The following SYN3 variants were observed in gnomAD, a reference collection of about 807,000 sequenced individuals.
SYN3 encodes the protein synapsin III.
SYN3 carries 35 observed loss-of-function variants against 65.8 expected under a neutral mutation model. That is an observed-to-expected ratio of 0.53 (90% confidence interval 0.41 to 0.70). The LOEUF is 0.70. Ranked by LOEUF, SYN3 falls within the 30% of genes least tolerant of loss-of-function variation. The pLI is 0.00. For missense variants in SYN3, 680 were observed against 749.0 expected (o/e 0.91, Z 1.08); for synonymous variants, 270 against 292.9 (o/e 0.92, Z 0.80).
chr22:32,683,482 C>T (rs2147122227), intron 6 of SYN3, among the ~76,000 whole-genome samples: 1 of 152,262 alleles, frequency 6.6e-6, no homozygotes, highest in Non-Finnish European at 1.5e-5. Flanking sequence ...GGTTTAAAAA[C>T]AGCAGAAATG....
At position 32,634,935 on chromosome 22, in the gene SYN3, C is replaced by CT. The variant is rs10683651; in HGVS notation, c.712-38200dup. ...AAACATTATGAGATTTTTTTTGCAA[C>CT]TTTTTTTTTTTTAGCTCATCAGCTA... is the stretch of plus-strand genomic sequence containing the variant. On this transcript the variant is annotated intron_variant, in intron 6 of 13. Transcript: ENST00000358763. Among the ~76,000 whole-genome samples the CT allele has an allele frequency of 4.7e-3, 699 of 147,500 alleles. 3 individuals are homozygous for CT. Among genetic ancestry groups the CT allele is most frequent in the African/African-American group, 0.014 (563 of 40,556 alleles).
At chr22:32,965,562 GTGTGTGTGTGTGTGCATGCT>G (rs1404226537) in intron 3 of SYN3, among the ~76,000 whole-genome samples, 1 of 151,930 alleles carries the variant, frequency 6.6e-6, no homozygotes, top group Non-Finnish European at 1.5e-5. Context: ...GTGTGTGTGT[GTGTGTGTGTGTGTGCATGCT>G]TGTGTGTGTG....
At chr22:32,590,160 C>T (rs547415000) in intron 7 of SYN3, among the ~76,000 whole-genome samples, 23 of 152,262 alleles carry the variant, frequency 1.5e-4, no homozygotes, top group South Asian at 4.2e-4. Context: ...CCGTCCTCTC[C>T]GAAGATAACT....
chr22:32,629,040 C>CAGGT (rs2059710111), intron 6 of SYN3, among the ~76,000 whole-genome samples: 1 of 152,118 alleles, frequency 6.6e-6, no homozygotes, highest in Admixed American at 6.5e-5. Flanking sequence ...GCAAGCTGGG[C>CAGGT]AGGTTTATGA....
At chr22:32,765,047 G>A (rs1002982259) in intron 6 of SYN3, among the ~76,000 whole-genome samples, 13 of 134,534 alleles carry the variant, frequency 9.7e-5, no homozygotes, top group South Asian at 2.6e-4. Flanking sequence ...TCCAGTTTCC[G>A]GCTTCCTGAG....
At chr22:32,528,507 G>A (rs1265187186) in intron 11 of SYN3, among the ~76,000 whole-genome samples, 1 of 152,190 alleles carries the variant, frequency 6.6e-6, no homozygotes, top group East Asian at 1.9e-4. Flanking sequence ...AGCACACAGA[G>A]GGCTTGTGTG....
At chr22:32,525,773 G>T (rs1352899025) in intron 12 of SYN3, among the ~76,000 whole-genome samples, 1 of 151,936 alleles carries the variant, frequency 6.6e-6, no homozygotes. Context: ...AGAATATTAC[G>T]TAAACTTAGT....
At chr22:32,606,389 T>C (rs2059372695) in intron 6 of SYN3, among the ~76,000 whole-genome samples, 1 of 152,198 alleles carries the variant, frequency 6.6e-6, no homozygotes, top group African/African-American at 2.4e-5. Flanking sequence ...CCTTGCTGTG[T>C]AGCATCTGAC....
chr22:32,528,428 C>A (rs566181200), intron 11 of SYN3, among the ~76,000 whole-genome samples: 29 of 152,122 alleles, frequency 1.9e-4, no homozygotes, highest in African/African-American at 7.0e-4. Flanking sequence ...AGGGGAGGAG[C>A]GACGTGGGAG....
At chr22:32,571,133 A>G (rs1488735199) in intron 7 of SYN3, among the ~76,000 whole-genome samples, 1 of 152,154 alleles carries the variant, frequency 6.6e-6, no homozygotes, top group African/African-American at 2.4e-5. Context: ...TTTTGGTGCT[A>G]CAGGAGGCAG....
intron 6 of SYN3, among the ~76,000 whole-genome samples, chr22:32,739,127 A>G (rs2061369389): frequency 6.6e-6 from 1 of 150,776 alleles, no homozygotes; most frequent in Admixed American, 6.6e-5. Flanking sequence ...AGATCCCATA[A>G]TTCCCATGTG....
intron 7 of SYN3, among the ~76,000 whole-genome samples, chr22:32,578,281 C>G (rs896798158): frequency 6.6e-6 from 1 of 151,280 alleles, no homozygotes; most frequent in Non-Finnish European, 1.5e-5. Flanking sequence ...GGGTCTTACT[C>G]TGGGGCCTAG....
At chr22:32,626,182 G>A (rs116864038) in intron 6 of SYN3, among the ~76,000 whole-genome samples, 2,751 of 152,222 alleles carry the variant, frequency 0.018, 45 homozygotes, top group Non-Finnish European at 0.024. Flanking sequence ...TGCTGAGGGT[G>A]CCTCTTGTGC....
At chr22:32,908,385 CT>C (rs10719402) in intron 4 of SYN3, among the ~76,000 whole-genome samples, 42,547 of 116,340 alleles carry the variant, frequency 0.37, 8,135 homozygotes, top group East Asian at 0.74. Flanking sequence ...CACGCCTAGC[CT>C]TTTTTTTTTT....
chr22:32,809,038 C>A, intron 6 of SYN3, among the ~76,000 whole-genome samples: 1 of 152,216 alleles, frequency 6.6e-6, no homozygotes, highest in East Asian at 1.9e-4. Context: ...TAAATGCCAA[C>A]CCTGCAGGAG....
chr22:33,031,959 G>A (rs1238290248), intron 1 of SYN3, among the ~76,000 whole-genome samples: 3 of 152,070 alleles, frequency 2.0e-5, no homozygotes, highest in Non-Finnish European at 4.4e-5. Context: ...CTGTCATCCC[G>A]GCACTTTAAG....
chr22:32,594,498 T>A (rs1020237282), intron 7 of SYN3, among the ~76,000 whole-genome samples: 1 of 151,946 alleles, frequency 6.6e-6, no homozygotes, highest in East Asian at 1.9e-4. Context: ...CTTTTCTTTT[T>A]TTTTTTTGGA....
At chr22:32,892,944 C>T (rs2049493043) in intron 4 of SYN3, among the ~76,000 whole-genome samples, 1 of 152,122 alleles carries the variant, frequency 6.6e-6, no homozygotes, top group Non-Finnish European at 1.5e-5. Context: ...ATATGAGAAT[C>T]AGGACCATAA....
At chr22:32,710,591 C>T (rs1344080182) in intron 6 of SYN3, among the ~76,000 whole-genome samples, 3 of 146,140 alleles carry the variant, frequency 2.1e-5, no homozygotes, top group Non-Finnish European at 4.4e-5. Context: ...TGAGATTGTG[C>T]CACTGCACTC....
Sources: gnomAD v4.1 joint callset for allele counts (sites outside exome capture counted in the v4.1 genomes callset) on GRCh38, gnomAD v4.1.1 for gene constraint, MANE v1.5 for transcripts, NCBI Gene and HGNC (gene_info 2026-07-23, HGNC 2026-07-21) for gene names.